The following POLE variants were observed in gnomAD, a reference collection of about 807,000 sequenced individuals.
POLE encodes the protein DNA polymerase epsilon, catalytic subunit, also known as DNA polymerase epsilon catalytic subunit A.
A neutral mutation model predicts 279.2 loss-of-function variants in POLE; 188 were observed. The observed-to-expected ratio is 0.67, with a 90% CI of 0.60 to 0.76. POLE has a LOEUF of 0.76. Among genes scored for constraint, POLE ranks in the 30% least tolerant of loss-of-function variants. The pLI, the probability that POLE is intolerant of heterozygous loss-of-function variation, is 0.00. For missense variants in POLE, 2,703 were observed against 3,016.7 expected (o/e 0.90, Z 2.44); for synonymous variants, 1,214 against 1,172.5 (o/e 1.04, Z -0.72).
chr12:132,629,592 C>G (rs190611154), intron 45 of POLE, among the ~76,000 whole-genome samples: 2 of 152,232 alleles, frequency 1.3e-5, no homozygotes, highest in Non-Finnish European at 2.9e-5. Flanking sequence ...CTTCTACAGC[C>G]TCCTCAGCTC....
rs550886249 is a variant in POLE, at chr12:132,667,438, C to T, written c.2319+65G>A. The T allele has an allele frequency of 8.1e-5, 126 of 1,551,246 alleles. 1 individual carries two copies. The East Asian group carries it at 1.8e-3, about 22-fold the overall frequency. On this transcript the variant is annotated intron_variant, in intron 20 of 48. Transcript: ENST00000320574. Reference sequence around the variant, plus strand: ...ATCCCAGGCAAGGAGCCAAGAGTGCCCACTTCATGAGCCGACTGAAACTGC... The same window carrying T: ...ATCCCAGGCAAGGAGCCAAGAGTGCTCACTTCATGAGCCGACTGAAACTGC...
intron 1 of POLE, among the ~76,000 whole-genome samples, chr12:132,685,657 G>A (rs540376745): frequency 2.6e-5 from 4 of 152,350 alleles, no homozygotes; most frequent in Non-Finnish European, 4.4e-5. Flanking sequence ...GTGCAGTCCT[G>A]TGTCCTGAAG....
In POLE at chr12:132,623,918, G is replaced by C. The variant is rs2041776642; in HGVS notation, c.*779C>G. On this transcript the variant is annotated 3_prime_UTR_variant, in exon 49 of 49. Coordinates refer to ENST00000320574, the MANE Select transcript of POLE (RefSeq NM_006231.4). ...TCCCTCCTGTGAGGCTCTCGTCTGG[G>C]GTGTCTGCATTTCTGATTTACATTT... 4 of 189,834 alleles carry C rather than the reference G, an allele frequency of 2.1e-5. 1 individual carries two copies. The East Asian group carries it at 2.5e-4, about 12-fold the overall frequency. The allele number at this position is 189,834 out of a possible 1,614,324, so 11.8% of individuals were successfully genotyped here. A position where few individuals can be genotyped will look rare whatever the true frequency, so the allele number is the denominator to read the frequency against.
Position 132,639,248 on chromosome 12 carries a change from T to A in POLE, c.5429A>T (p.His1810Leu), listed in dbSNP as rs777390504. The A allele has an allele frequency of 1.2e-6, 2 of 1,614,042 alleles. No individual in the cohort carries two copies. Among genetic ancestry groups the A allele is most frequent in the African/African-American group, 1.3e-5 (1 of 74,922 alleles). Reference sequence around the variant, plus strand: ...CACCTGGTTGTCTGCATAGATGTTGTGGTACTGGGTGATCTCCTTCACCCA... The same window carrying A: ...CACCTGGTTGTCTGCATAGATGTTGAGGTACTGGGTGATCTCCTTCACCCA... Reference protein sequence around the residue: ...VGWVKEITQYHNIYADNQVMH... With the variant: ...VGWVKEITQYLNIYADNQVMH... The change falls in exon 40 of 49, where the codon CAC (histidine) becomes CTC (leucine). Residue 1810 changes from histidine to leucine, a missense_variant. Around this residue, in one of 5 missense-constraint regions of POLE, gnomAD observed 1,551 missense variants for 1,686.1 expected, o/e 0.92. Coordinates refer to ENST00000320574, the MANE Select transcript of POLE (RefSeq NM_006231.4). This position sits in a 1 kb window ranked among gnomAD's most constrained non-coding sequence, Gnocchi z 4.7.
At chr12:132,656,282 G>C (rs115764049) in intron 29 of POLE, among the ~76,000 whole-genome samples, 2,011 of 152,214 alleles carry the variant, frequency 0.013, 40 homozygotes, top group African/African-American at 0.047. Flanking sequence ...CTCCGTCTTG[G>C]GGGGCAGGGG....
At chr12:132,678,128 A>G (rs2043097350) in intron 6 of POLE, among the ~76,000 whole-genome samples, 1 of 152,148 alleles carries the variant, frequency 6.6e-6, no homozygotes, top group African/African-American at 2.4e-5. Flanking sequence ...CAGTGAACCC[A>G]GATTGCGCCA....
chr12:132,665,223 C>T lies in POLE; in HGVS notation c.2468+79G>A. 5 of 1,424,426 alleles carry T rather than the reference C, an allele frequency of 3.5e-6. No homozygotes were observed. In the South Asian group the frequency reaches 3.6e-5, roughly 10 times the overall value. 88.2% of individuals were successfully genotyped at this position (1,424,426 alleles called of 1,614,324 possible). A position where few individuals can be genotyped will look rare whatever the true frequency, so the allele number is the denominator to read the frequency against. ...CAGATGAACGGCCCTCCATGCACAGCAGCCTACACCTGAAGCTGCCCTAAA... is the reference window on the plus strand; with the variant it reads ...CAGATGAACGGCCCTCCATGCACAGTAGCCTACACCTGAAGCTGCCCTAAA... On this transcript the variant is annotated intron_variant, in intron 21 of 48. Transcript: ENST00000320574.
In POLE at chr12:132,626,096, C is replaced by T. The variant is rs1340186393; in HGVS notation, c.6531+21G>A. 4 of 1,574,064 alleles carry T rather than the reference C, an allele frequency of 2.5e-6. No homozygotes were observed. The African/African-American group carries it at 4.1e-5, about 16-fold the overall frequency. ...GGATGTTCTGCTCCACAGTGAAGGGCCCGCTGGAGCTCAGCCGCACCTCTG... is the reference window on the plus strand; with the variant it reads ...GGATGTTCTGCTCCACAGTGAAGGGTCCGCTGGAGCTCAGCCGCACCTCTG... On this transcript the variant is annotated intron_variant, in intron 46 of 48. Transcript: ENST00000320574.
chr12:132,635,326 G>A (rs5744997), intron 42 of POLE, among the ~76,000 whole-genome samples: 1 of 152,136 alleles, frequency 6.6e-6, no homozygotes, highest in Non-Finnish European at 1.5e-5. Flanking sequence ...AGCCCACCCA[G>A]GCCCTTCTCA....
Position 132,672,301 on chromosome 12 carries a change from G to A in POLE, c.1708C>T (p.Leu570=), listed in dbSNP as rs748807227. The A allele has an allele frequency of 1.9e-6, 3 of 1,614,194 alleles. No individual in the cohort carries two copies. Among genetic ancestry groups the A allele is most frequent in the East Asian group, 4.5e-5 (2 of 44,886 alleles). The stretch of plus-strand genomic sequence containing the variant: ...AAGGTCTTCTCAACCCGCTGCAGCA[G>A]GAAGTCAAAGGCGGCAGGATTCTAG... The part of the protein sequence containing the change: ...FRMNPAAFDF[L]LQRVEKTLRH... Residue 570 remains leucine (L), a synonymous_variant, in exon 16 of 49, where the codon CTG becomes TTG. Coordinates refer to ENST00000320574, the MANE Select transcript of POLE (RefSeq NM_006231.4).
rs1465684132 is a variant in POLE at position 132,673,636 on chromosome 12, C to T, written c.1298G>A (p.Gly433Asp). The change falls in exon 13 of 49, where the codon GGC becomes GAC. Residue 433 changes from glycine to aspartate, a missense_variant. Gly to Asp is a moderately conservative substitution (Grantham distance 94, BLOSUM62 -1). Coordinates refer to ENST00000320574, the MANE Select transcript of POLE (RefSeq NM_006231.4). ...NLKAAAKAKL[G>D]YDPVELDPED... Reference sequence around the variant, plus strand: ...CGGGTCTAGCTCCACGGGATCATAGCCTAGCTTGGCCTTGGCGGCCGCCTT... The same window carrying T: ...CGGGTCTAGCTCCACGGGATCATAGTCTAGCTTGGCCTTGGCGGCCGCCTT... 6.2e-7 allele frequency: 1 copy of T among 1,614,048 alleles called. No individual in the cohort carries two copies. Among genetic ancestry groups the T allele is most frequent in the East Asian group, 2.2e-5 (1 of 44,888 alleles).
In POLE at chr12:132,657,849, G is replaced by C. The variant is rs1427638303; in HGVS notation, c.3378+19C>G. Reference sequence around the variant, plus strand: ...TTCCTTGTAAACTTTTAAGAGTAGAGAACGCAACTGGCACTCACTGCTCGA... The same window carrying C: ...TTCCTTGTAAACTTTTAAGAGTAGACAACGCAACTGGCACTCACTGCTCGA... On this transcript the variant is annotated intron_variant, in intron 27 of 48. Transcript: ENST00000320574. The C allele has an allele frequency of 1.3e-6, 2 of 1,527,134 alleles. No homozygotes were observed. The highest frequency in any genetic ancestry group is 3.3e-5 in the Admixed American group (2 of 59,884). 94.6% of individuals were successfully genotyped at this position (1,527,134 alleles called of 1,614,324 possible). A position where few individuals can be genotyped will look rare whatever the true frequency, so the allele number is the denominator to read the frequency against.
At position 132,642,401 on chromosome 12, in the gene POLE, C is replaced by T. The variant is rs1431909132; in HGVS notation, c.4953-4G>A. 2 of 1,581,110 alleles carry T rather than the reference C, an allele frequency of 1.3e-6. No homozygotes were observed. The highest frequency in any genetic ancestry group is 2.3e-5 in the South Asian group (2 of 86,538). On this transcript the variant is annotated splice_polypyrimidine_tract_variant and splice_region_variant and intron_variant, in intron 37 of 48. Coordinates refer to ENST00000320574, the MANE Select transcript of POLE (RefSeq NM_006231.4). ...CCCAATGGGAATGTGAAAGTACCTG[C>T]ACCAGGGCACAGGTCAGCACCGGGG...
chr12:132,658,099 C>T (rs1373196530), intron 26 of POLE, 129 bp from the exon 27 acceptor site: 1 of 659,742 alleles, frequency 1.5e-6, no homozygotes, highest in East Asian at 2.7e-5. Flanking sequence ...ATGTATACAT[C>T]TGCGTGCATA....
intron 32 of POLE, 90 bp downstream of exon 32, chr12:132,648,839 G>A (rs1593747995): frequency 2.2e-6 from 3 of 1,355,308 alleles, no homozygotes; most frequent in Non-Finnish European, 3.1e-6. Flanking sequence ...AAGGTACTGA[G>A]GAGATGGAGG....
At chr12:132,659,649 CTG>C in intron 25 of POLE, 140 bp from the exon 26 acceptor site, 2 of 641,476 alleles carry the variant, frequency 3.1e-6, no homozygotes, top group South Asian at 3.8e-5. Flanking sequence ...TCTAATATGC[CTG>C]TGTGGCAATA....
At chr12:132,646,282 A>G (rs1394035983) in intron 32 of POLE, among the ~76,000 whole-genome samples, 1 of 152,124 alleles carries the variant, frequency 6.6e-6, no homozygotes, top group Non-Finnish European at 1.5e-5. Flanking sequence ...ACAGGGGGAC[A>G]AGAGCACCCT....
chr12:132,666,330 G>A (rs2042795830), intron 20 of POLE, among the ~76,000 whole-genome samples: 1 of 152,260 alleles, frequency 6.6e-6, no homozygotes, highest in African/African-American at 2.4e-5. Flanking sequence ...GCTCACGCCT[G>A]TAATCCCAGC....
At position 132,649,337 on chromosome 12, in the gene POLE, C is replaced by T. The variant is rs2138605570; in HGVS notation, c.3974G>A (p.Ser1325Asn). 1 of 1,613,676 alleles carries T rather than the reference C, an allele frequency of 6.2e-7. No homozygotes were observed. The highest frequency in any genetic ancestry group is 8.5e-7 in the Non-Finnish European group (1 of 1,180,048). Residue 1325 changes from serine to asparagine, a missense_variant, in exon 31 of 49, where the codon AGC becomes AAC. Physicochemically the swap from Ser to Asn is conservative, Grantham distance 46. Transcript: ENST00000320574. ...AATCTGCCACGGAAGGTCCAGGATG[C>T]TGCGGGCAGTTCTTCGCAAGAAGCT... is the stretch of plus-strand genomic sequence containing the variant. ...LGSFLRRTAR[S>N]ILDLPWQIVQ...
Sources: allele counts gnomAD v4.1 joint callset (sites outside exome capture counted in the v4.1 genomes callset), GRCh38; gene constraint gnomAD v4.1.1; regional missense constraint gnomAD v4.1.1; non-coding constraint Gnocchi (gnomAD v3.1); transcripts MANE v1.5; gene names NCBI Gene and HGNC (gene_info 2026-07-23, HGNC 2026-07-21).